Variants in TANGO6 observed in about 807,000 individuals in gnomAD.
TANGO6 encodes transport and golgi organization 6 homolog, also known as transport and Golgi organization protein 6 homolog.
In TANGO6, 90 loss-of-function variants were observed where a neutral mutation model predicts 114.2. The observed-to-expected ratio is 0.79, with a 90% CI of 0.66 to 0.94. The LOEUF is 0.94. Ranked by LOEUF, TANGO6 falls within the 40% of genes least tolerant of loss-of-function variation. The pLI is 0.00. For missense variants in TANGO6, 1,274 were observed against 1,315.3 expected, an observed-to-expected ratio of 0.97 and a Z score of 0.49; for synonymous variants, 477 against 509.8, an observed-to-expected ratio of 0.94 and a Z score of 0.87.
intron 15 of TANGO6, among the ~76,000 whole-genome samples, chr16:68,990,142 C>G (rs533625122): frequency 2.0e-5 from 3 of 152,250 alleles, no homozygotes; most frequent in African/African-American, 7.2e-5. Context: ...AAGTGATCCT[C>G]CCACCTCAGC....
chr16:68,877,888 G>A (rs376061284), intron 5 of TANGO6, among the ~76,000 whole-genome samples: 7 of 152,262 alleles, frequency 4.6e-5, no homozygotes, highest in African/African-American at 1.4e-4. Flanking sequence ...GATTACAGGC[G>A]TGAGCCACCA....
At position 69,084,514 on chromosome 16, in the gene TANGO6, G is replaced by A. The variant is rs1960511076; in HGVS notation, c.*853G>A. On this transcript the variant is annotated 3_prime_UTR_variant, in exon 18 of 18. Transcript: ENST00000261778. ...GTTCACACTGAATGCAGGCTGGAAAGAATGCATGCTGGTGGCCTAATGCCA... is the reference window on the plus strand; with the variant it reads ...GTTCACACTGAATGCAGGCTGGAAAAAATGCATGCTGGTGGCCTAATGCCA... The A allele has an allele frequency of 6.6e-6, 1 of 152,376 alleles. No homozygotes were observed. 9.4% of individuals were successfully genotyped at this position (152,376 alleles called of 1,614,324 possible).
chr16:68,895,852 T>G (rs1286870405), intron 7 of TANGO6, among the ~76,000 whole-genome samples: 4 of 152,202 alleles, frequency 2.6e-5, no homozygotes, highest in African/African-American at 9.6e-5. Flanking sequence ...TATTTTAAAA[T>G]TTTAATTGAC....
intron 4 of TANGO6, among the ~76,000 whole-genome samples, 195 bp from the exon 5 acceptor site, chr16:68,874,959 T>C (rs1962331934): frequency 6.6e-6 from 1 of 151,442 alleles, no homozygotes; most frequent in Admixed American, 6.6e-5. Flanking sequence ...CAAAAAATAA[T>C]AATAATAAAT....
intron 3 of TANGO6, among the ~76,000 whole-genome samples, chr16:68,863,917 G>A (rs1049244560): frequency 2.6e-5 from 4 of 152,192 alleles, no homozygotes; most frequent in Admixed American, 2.6e-4. Flanking sequence ...GCTCACGCCT[G>A]TAATCCCAGC....
At chr16:69,009,027 C>A (rs1360973397) in intron 15 of TANGO6, among the ~76,000 whole-genome samples, 1 of 148,846 alleles carries the variant, frequency 6.7e-6, no homozygotes, top group East Asian at 2.0e-4. Flanking sequence ...ATTGTTTTGG[C>A]ATTCTTGTTA....
At chr16:68,886,365 G>A (rs1962539054) in intron 7 of TANGO6, among the ~76,000 whole-genome samples, 1 of 150,402 alleles carries the variant, frequency 6.6e-6, no homozygotes, top group Admixed American at 6.6e-5. Flanking sequence ...TTACAGGCAT[G>A]CACCACCACA....
At chr16:69,065,259 T>C (rs1428938264) in intron 17 of TANGO6, among the ~76,000 whole-genome samples, 1 of 152,224 alleles carries the variant, frequency 6.6e-6, no homozygotes, top group Non-Finnish European at 1.5e-5. Context: ...ACTCCAGCCC[T>C]TGGGCAGCAT....
At chr16:69,043,408 A>C (rs1030446609) in intron 17 of TANGO6, among the ~76,000 whole-genome samples, 1 of 151,952 alleles carries the variant, frequency 6.6e-6, no homozygotes, top group African/African-American at 2.4e-5. Context: ...TAGCCAATGA[A>C]ACCAACACCG....
At chr16:68,917,982 C>T (rs1471256563) in intron 11 of TANGO6, among the ~76,000 whole-genome samples, 4 of 149,092 alleles carry the variant, frequency 2.7e-5, no homozygotes, top group Non-Finnish European at 5.9e-5. Flanking sequence ...TGTAGTGGTG[C>T]TATCTCAGCT....
At chr16:68,871,475 A>G (rs1246526146) in intron 4 of TANGO6, among the ~76,000 whole-genome samples, 1 of 151,550 alleles carries the variant, frequency 6.6e-6, no homozygotes, top group Non-Finnish European at 1.5e-5. Context: ...ATCTTCAAAT[A>G]TTTTTTTCTG....
At chr16:68,906,472 C>G (rs921371570) in intron 9 of TANGO6, among the ~76,000 whole-genome samples, 3 of 152,086 alleles carry the variant, frequency 2.0e-5, no homozygotes, top group Admixed American at 6.6e-5. Flanking sequence ...GCAGCCTTCT[C>G]TTTCTTTGTT....
At chr16:69,024,270 CTTT>C (rs535262771) in intron 16 of TANGO6, among the ~76,000 whole-genome samples, 1 of 135,252 alleles carries the variant, frequency 7.4e-6, no homozygotes. Flanking sequence ...CTCTAGCCCC[CTTT>C]TTTTTTTTTT....
chr16:69,070,644 AAAC>A, intron 17 of TANGO6, among the ~76,000 whole-genome samples: 1 of 150,186 alleles, frequency 6.7e-6, no homozygotes, highest in Non-Finnish European at 1.5e-5. Context: ...AAAAAAAAAA[AAAC>A]AAAAAAACAC....
At chr16:68,974,895 A>G (rs373677634) in intron 15 of TANGO6, among the ~76,000 whole-genome samples, 3 of 151,996 alleles carry the variant, frequency 2.0e-5, no homozygotes, top group African/African-American at 7.2e-5. Flanking sequence ...GCAAAACCCC[A>G]TCTCTACCAA....
intron 14 of TANGO6, among the ~76,000 whole-genome samples, chr16:68,965,770 C>T (rs1192169344): frequency 6.6e-6 from 1 of 151,988 alleles, no homozygotes; most frequent in Non-Finnish European, 1.5e-5. Flanking sequence ...CACTGCACTC[C>T]AGCCTGAGAC....
chr16:68,988,621 C>G (rs1443135126), intron 15 of TANGO6, among the ~76,000 whole-genome samples: 1 of 150,468 alleles, frequency 6.6e-6, no homozygotes, highest in African/African-American at 2.4e-5. Context: ...ATGTTTCAGT[C>G]TATGACCTGT....
intron 15 of TANGO6, among the ~76,000 whole-genome samples, chr16:68,985,634 G>A (rs1305430750): frequency 6.6e-6 from 1 of 152,166 alleles, no homozygotes; most frequent in Non-Finnish European, 1.5e-5. Context: ...GATCACCTGA[G>A]CCCGGGAGGT....
chr16:68,856,557 A>G (rs1961997160), intron 1 of TANGO6, among the ~76,000 whole-genome samples: 1 of 152,222 alleles, frequency 6.6e-6, no homozygotes, highest in African/African-American at 2.4e-5. Context: ...GGTTTATAGA[A>G]TATTTGAGCA....
Sources: gnomAD v4.1 joint callset for allele counts (sites outside exome capture counted in the v4.1 genomes callset) on GRCh38, gnomAD v4.1.1 for gene constraint, MANE v1.5 for transcripts, NCBI Gene and HGNC (gene_info 2026-07-23, HGNC 2026-07-21) for gene names.